The following DAPK1 variants were observed in gnomAD, a reference collection of about 807,000 sequenced individuals.
DAPK1 encodes the protein death-associated protein kinase 1.
Under a neutral mutation model 144.9 loss-of-function variants are expected in DAPK1, and 56 were observed. The ratio of observed to expected loss-of-function variants is 0.39; its 90% CI spans 0.31 to 0.48. The LOEUF (loss-of-function observed/expected upper bound fraction) is 0.48, where lower values mean the gene tolerates loss of function less well. Ranked by LOEUF, DAPK1 falls within the 20% of genes least tolerant of loss-of-function variation. The probability of loss-of-function intolerance (pLI) is 0.95; values close to 1 mark genes in which losing one functional copy is unlikely to be tolerated. For missense variants in DAPK1, 1,454 were observed against 1,875.4 expected, an observed-to-expected ratio of 0.78 and a Z score of 4.15; for synonymous variants, 690 against 749.0, an observed-to-expected ratio of 0.92 and a Z score of 1.29.
intron 2 of DAPK1, among the ~76,000 whole-genome samples, chr9:87,570,924 C>G (rs990048449): frequency 3.9e-5 from 6 of 152,096 alleles, no homozygotes; most frequent in Admixed American, 3.9e-4. Context: ...CCTAACTGTG[C>G]TGATAAGAGA....
At chr9:87,629,046 T>A (rs1209971813) in intron 3 of DAPK1, among the ~76,000 whole-genome samples, 1 of 152,192 alleles carries the variant, frequency 6.6e-6, no homozygotes, top group Non-Finnish European at 1.5e-5. Flanking sequence ...AAAAAAATAA[T>A]GTTGAAGTCC....
chr9:87,610,591 G>A (rs562622528), intron 3 of DAPK1, among the ~76,000 whole-genome samples: 40 of 152,344 alleles, frequency 2.6e-4, no homozygotes, highest in African/African-American at 9.1e-4. Flanking sequence ...GCATTTTTCT[G>A]TCTAGCTGTT....
At position 87,606,764 on chromosome 9, in the gene DAPK1, TCCTC is replaced by T. The variant is rs1225975173; in HGVS notation, c.284+1607_284+1610del. Among the ~76,000 whole-genome samples the T allele has an allele frequency of 7.7e-4, 72 of 93,648 alleles. 1 individual carries two copies. Among genetic ancestry groups the T allele is most frequent in the African/African-American group, 2.0e-3 (47 of 23,308 alleles). 61.4% of individuals were successfully genotyped at this position (93,648 alleles called of 152,430 possible). On this transcript the variant is annotated intron_variant, in intron 3 of 25. Transcript: ENST00000408954. ...CTCCTTCCTTCCTTCTTTCCTTCCTTCCTCCCTCCCTCCCTCCCTCCTTTTTCTC... is the reference window on the plus strand; with the variant it reads ...CTCCTTCCTTCCTTCTTTCCTTCCTTCCTCCCTCCCTCCCTCCTTTTTCTC...
intron 18 of DAPK1, among the ~76,000 whole-genome samples, chr9:87,660,949 A>C (rs564813451): frequency 5.2e-4 from 79 of 152,194 alleles, no homozygotes; most frequent in African/African-American, 1.9e-3. Flanking sequence ...GGTTCAAGTG[A>C]TTCTCCTGCC....
intron 2 of DAPK1, among the ~76,000 whole-genome samples, chr9:87,571,312 G>C (rs546253470): frequency 6.6e-6 from 1 of 151,974 alleles, no homozygotes; most frequent in East Asian, 1.9e-4. Flanking sequence ...GCTGGTGTTT[G>C]CCTGTGAAAT....
intron 19 of DAPK1, among the ~76,000 whole-genome samples, chr9:87,681,192 C>T (rs1456803539): frequency 6.6e-6 from 1 of 151,926 alleles, no homozygotes; most frequent in African/African-American, 2.4e-5. Context: ...GCAGGAGAAT[C>T]GCTTGAACCC....
At chr9:87,599,859 T>C (rs1234714158) in intron 2 of DAPK1, among the ~76,000 whole-genome samples, 2 of 152,230 alleles carry the variant, frequency 1.3e-5, no homozygotes, top group Non-Finnish European at 1.5e-5. Context: ...ATTTTTGTCA[T>C]TTTTGCACAA....
At chr9:87,526,411 CAT>C (rs1272073217) in intron 2 of DAPK1, among the ~76,000 whole-genome samples, 2 of 152,176 alleles carry the variant, frequency 1.3e-5, no homozygotes, top group Non-Finnish European at 2.9e-5. Context: ...AGAATCATGG[CAT>C]ATATACCTTT....
intron 19 of DAPK1, among the ~76,000 whole-genome samples, chr9:87,675,134 ACT>A (rs966909547): frequency 1.3e-5 from 2 of 152,006 alleles, no homozygotes; most frequent in African/African-American, 4.8e-5. Context: ...ACAGCTACAC[ACT>A]CTTGTCTGTG....
At chr9:87,678,342 C>T (rs1824479668) in intron 19 of DAPK1, among the ~76,000 whole-genome samples, 1 of 152,212 alleles carries the variant, frequency 6.6e-6, no homozygotes, top group Non-Finnish European at 1.5e-5. Flanking sequence ...TGCTGGATGT[C>T]AGCATGCATG....
intron 2 of DAPK1, among the ~76,000 whole-genome samples, chr9:87,553,243 T>TGG (rs35812085): frequency 1.4e-4 from 21 of 151,174 alleles, no homozygotes; most frequent in Admixed American, 3.3e-4. Context: ...GTCTGTCATG[T>TGG]GGGGGGGGTT....
intron 19 of DAPK1, among the ~76,000 whole-genome samples, chr9:87,673,225 T>C (rs1824241410): frequency 6.6e-6 from 1 of 152,152 alleles, no homozygotes; most frequent in Admixed American, 6.5e-5. Flanking sequence ...TACCACACTC[T>C]GCAAGAACCA....
At chr9:87,696,269 T>C (rs1186868274) in intron 21 of DAPK1, among the ~76,000 whole-genome samples, 2 of 152,142 alleles carry the variant, frequency 1.3e-5, no homozygotes, top group African/African-American at 4.8e-5. Context: ...GAAGTAGTCA[T>C]GATATAGATA....
At chr9:87,618,885 T>C (rs1344430999) in intron 3 of DAPK1, among the ~76,000 whole-genome samples, 1 of 152,206 alleles carries the variant, frequency 6.6e-6, no homozygotes, top group East Asian at 1.9e-4. Flanking sequence ...TGGTACACTT[T>C]AAAAGAGTGA....
At chr9:87,530,917 A>AG (rs1825675970) in intron 2 of DAPK1, among the ~76,000 whole-genome samples, 1 of 2,172 alleles carries the variant, frequency 4.6e-4, no homozygotes, top group Non-Finnish European at 7.3e-4. Context: ...TCTTCTTCAA[A>AG]GATTTTAAGT....
intron 3 of DAPK1, among the ~76,000 whole-genome samples, chr9:87,614,526 G>T (rs908494916): frequency 6.6e-6 from 1 of 152,254 alleles, no homozygotes; most frequent in South Asian, 2.1e-4. Context: ...GGGTGGTGCA[G>T]GTCCTGCAAA....
At chr9:87,519,553 T>C (rs1009173876) in intron 2 of DAPK1, among the ~76,000 whole-genome samples, 1 of 129,208 alleles carries the variant, frequency 7.7e-6, no homozygotes, top group Non-Finnish European at 1.8e-5. Flanking sequence ...GCCTGGTGGA[T>C]TGGGGCTGTC....
intron 2 of DAPK1, among the ~76,000 whole-genome samples, chr9:87,531,496 G>T (rs553215977): frequency 1.3e-5 from 2 of 152,312 alleles, no homozygotes; most frequent in African/African-American, 4.8e-5. Context: ...GAAGTTGGGG[G>T]TAAGAGGGCA....
At chr9:87,643,618 G>C in intron 11 of DAPK1, 150 bp downstream of exon 11, 1 of 584,900 alleles carries the variant, frequency 1.7e-6, no homozygotes, top group East Asian at 2.8e-5. Flanking sequence ...TGGGGGTGCT[G>C]ATTGATGCAC....
Sources: allele counts gnomAD v4.1 joint callset (sites outside exome capture counted in the v4.1 genomes callset), GRCh38; gene constraint gnomAD v4.1.1; transcripts MANE v1.5; gene names NCBI Gene and HGNC (gene_info 2026-07-23, HGNC 2026-07-21).